The following WDPCP variants were observed in gnomAD, a reference collection of about 807,000 sequenced individuals.
WDPCP encodes WD repeat-containing and planar cell polarity effector protein fritz homolog.
WDPCP carries 71 observed loss-of-function variants against 93.1 expected under a neutral mutation model. The observed-to-expected ratio is 0.76, with a 90% CI of 0.63 to 0.93. The LOEUF is 0.93. Ranked by LOEUF, WDPCP falls within the 40% of genes least tolerant of loss-of-function variation. The probability of loss-of-function intolerance (pLI) is 0.00; values close to 1 mark genes in which losing one functional copy is unlikely to be tolerated. For missense variants in WDPCP, 844 were observed against 887.4 expected (o/e 0.95, Z 0.62); for synonymous variants, 315 against 315.0 (o/e 1.00, Z 0.00).
chr2:63,261,276 G>C (rs1488732966), intron 13 of WDPCP, among the ~76,000 whole-genome samples: 1 of 149,440 alleles, frequency 6.7e-6, no homozygotes, highest in Non-Finnish European at 1.5e-5. Context: ...TTCAGACCTT[G>C]ATGCAAGTGC....
chr2:63,145,029 C>T (rs910297078), intron 17 of WDPCP, among the ~76,000 whole-genome samples: 3 of 152,124 alleles, frequency 2.0e-5, no homozygotes, highest in African/African-American at 7.2e-5. Flanking sequence ...TGTTTCTCTT[C>T]TGGGTCTAGC....
At chr2:63,238,333 A>T (rs1283983892) in intron 14 of WDPCP, among the ~76,000 whole-genome samples, 1 of 152,200 alleles carries the variant, frequency 6.6e-6, no homozygotes, top group Non-Finnish European at 1.5e-5. Context: ...ACACTACTGC[A>T]TGTGACTACT....
intron 14 of WDPCP, among the ~76,000 whole-genome samples, chr2:63,184,293 C>T (rs545410834): frequency 4.6e-5 from 7 of 151,806 alleles, no homozygotes; most frequent in Non-Finnish European, 8.8e-5. Flanking sequence ...CTTTGTGTAA[C>T]TAACTGTTTT....
At chr2:63,551,949 CTTTCAT>C in intron 1 of WDPCP, among the ~76,000 whole-genome samples, 1 of 139,692 alleles carries the variant, frequency 7.2e-6, no homozygotes, top group African/African-American at 2.7e-5. Flanking sequence ...TTCTGTTTTG[CTTTCAT>C]TTTCTTTTTT....
chr2:63,588,921 C>T (rs1015114187), upstream of WDPCP: 2 of 1,352,088 alleles, frequency 1.5e-6, no homozygotes, highest in Non-Finnish European at 2.1e-6. Context: ...AGCGCCGCGT[C>T]GGGAGCGGAG....
chr2:63,438,101 T>C (rs1697261146), intron 7 of WDPCP: 8 of 950,118 alleles, frequency 8.4e-6, no homozygotes, highest in Non-Finnish European at 1.1e-5. Context: ...TATCTAATAA[T>C]GAAAATTAGC....
chr2:63,588,547 C>T (rs911629039), upstream of WDPCP: 6 of 579,672 alleles, frequency 1.0e-5, no homozygotes, highest in African/African-American at 1.1e-4. Flanking sequence ...TCCAGCTTTA[C>T]GCAGCGGAAG....
chr2:63,578,509 C>T lies in WDPCP; in HGVS notation c.75+9688G>A, dbSNP rs185633383. 5.3e-5 allele frequency among the ~76,000 whole-genome samples: 8 copies of T among 152,292 alleles called. No homozygotes were observed. The East Asian group carries it at 1.5e-3, about 29-fold the overall frequency. On this transcript the variant is annotated intron_variant, in intron 1 of 17. Coordinates refer to ENST00000272321, the MANE Select transcript of WDPCP (RefSeq NM_015910.7). The stretch of plus-strand genomic sequence containing the variant: ...CATGAAAAGAAATATGTGTTCTAAA[C>T]ATCATGATTCCTCTCCAACTGTGCC...
Position 63,404,433 on chromosome 2 carries a change from G to A in WDPCP, c.1050C>T (p.Asp350=), listed in dbSNP as rs1188535327. ...AISCCRNVTE[D]KLILGCEDSS... ...AATCTTCACAGCCCAGAATCAGTTT[G>A]TCTTCAGTAACATTCCTGCAGCAGC... The change falls in exon 10 of 18, where the codon GAC becomes GAT. Residue 350 remains aspartate, a synonymous_variant. Transcript: ENST00000272321. 7 of 1,614,042 alleles carry A rather than the reference G, an allele frequency of 4.3e-6. No homozygotes were observed. In the African/African-American group the frequency reaches 9.3e-5, roughly 22 times the overall value.
intron 14 of WDPCP, among the ~76,000 whole-genome samples, chr2:63,183,875 A>T (rs1000974310): frequency 6.6e-6 from 1 of 151,856 alleles, no homozygotes; most frequent in East Asian, 1.9e-4. Flanking sequence ...TTATATAATG[A>T]CTGACTTTGT....
intron 3 of WDPCP, among the ~76,000 whole-genome samples, chr2:63,608,889 C>A (rs1030569381): frequency 6.6e-6 from 1 of 152,104 alleles, no homozygotes; most frequent in Non-Finnish European, 1.5e-5. Flanking sequence ...ACCTTTAGGA[C>A]TACTATTAAT....
chr2:63,518,927 G>A lies in WDPCP; in HGVS notation c.76-25987C>T, dbSNP rs564408933. The A allele has an allele frequency of 5.3e-5, 8 of 151,704 alleles. No homozygotes were observed. The South Asian group carries it at 1.0e-3, about 20-fold the overall frequency. The allele number at this position is 151,704 out of a possible 1,614,324, so 9.4% of individuals were successfully genotyped here. A position where few individuals can be genotyped will look rare whatever the true frequency, so the allele number is the denominator to read the frequency against. On this transcript the variant is annotated intron_variant, in intron 1 of 17. Transcript: ENST00000272321. ...ACCTCCCACCCACAGACTCCCCTTCGCCCATGGCCACCCCCATATCACTTT... is the reference window on the plus strand; with the variant it reads ...ACCTCCCACCCACAGACTCCCCTTCACCCATGGCCACCCCCATATCACTTT...
chr2:63,395,616 G>A (rs1693656886), intron 10 of WDPCP, among the ~76,000 whole-genome samples: 1 of 152,152 alleles, frequency 6.6e-6, no homozygotes, highest in Non-Finnish European at 1.5e-5. Flanking sequence ...TTCCGGAGAG[G>A]TGGGAATTAA....
chr2:63,407,347 G>A (rs1694668352), intron 9 of WDPCP, among the ~76,000 whole-genome samples: 2 of 152,128 alleles, frequency 1.3e-5, no homozygotes, highest in East Asian at 3.9e-4. Flanking sequence ...TGAGGCACAG[G>A]GAGGATATTG....
At chr2:63,282,954 A>G (rs1311472159) in intron 13 of WDPCP, among the ~76,000 whole-genome samples, 1 of 152,144 alleles carries the variant, frequency 6.6e-6, no homozygotes, top group Non-Finnish European at 1.5e-5. Flanking sequence ...TATTTCTTTA[A>G]TGTGGATTCA....
At chr2:63,757,452 CAG>C (rs1400255838) in intron 2 of WDPCP, among the ~76,000 whole-genome samples, 1 of 152,108 alleles carries the variant, frequency 6.6e-6, no homozygotes, top group Non-Finnish European at 1.5e-5. Flanking sequence ...GTAGGATCTA[CAG>C]AAGCAGATCA....
chr2:63,466,141 C>T (rs989716154), intron 6 of WDPCP, among the ~76,000 whole-genome samples: 1 of 152,026 alleles, frequency 6.6e-6, no homozygotes, highest in Non-Finnish European at 1.5e-5. Flanking sequence ...ACCTAGGATT[C>T]CACTAAGACC....
chr2:63,695,299 T>G (rs1668948659), intron 2 of WDPCP, among the ~76,000 whole-genome samples: 1 of 152,224 alleles, frequency 6.6e-6, no homozygotes. Context: ...TTCATATATA[T>G]AATTCAATAG....
chr2:63,246,179 C>T (rs1227753157), intron 14 of WDPCP, among the ~76,000 whole-genome samples: 1 of 152,126 alleles, frequency 6.6e-6, no homozygotes, highest in Non-Finnish European at 1.5e-5. Flanking sequence ...TATAAACTTG[C>T]TATGATAGGC....
Sources: allele counts gnomAD v4.1 joint callset (sites outside exome capture counted in the v4.1 genomes callset), GRCh38; gene constraint gnomAD v4.1.1; transcripts MANE v1.5; gene names NCBI Gene and HGNC (gene_info 2026-07-23, HGNC 2026-07-21).